Variants in ANGPT1 observed in about 807,000 individuals in gnomAD.
ANGPT1 encodes angiopoietin 1.
ANGPT1 carries 17 observed loss-of-function variants against 62.2 expected under a neutral mutation model. The ratio of observed to expected loss-of-function variants is 0.27; its 90% CI spans 0.19 to 0.41. The LOEUF is 0.41. Among genes scored for constraint, ANGPT1 ranks in the 10% least tolerant of loss-of-function variants. ANGPT1 has a pLI of 1.00. For missense variants in ANGPT1, 478 were observed against 594.9 expected, an observed-to-expected ratio of 0.80 and a Z score of 2.04; for synonymous variants, 199 against 198.9, an observed-to-expected ratio of 1.00 and a Z score of 0.00.
At chr8:107,274,079 G>T (rs1048039468) in intron 7 of ANGPT1, among the ~76,000 whole-genome samples, 1 of 152,120 alleles carries the variant, frequency 6.6e-6, no homozygotes, top group Non-Finnish European at 1.5e-5. Context: ...ACAAGAGAAG[G>T]TATGGTGTGT....
Position 107,401,281 on chromosome 8 carries a change from A to AC in ANGPT1, c.298-54185_298-54184insG, listed in dbSNP as rs570662037. 9.2e-5 allele frequency among the ~76,000 whole-genome samples: 14 copies of AC among 152,210 alleles called. No homozygotes were observed. In the East Asian group the frequency reaches 2.7e-3, roughly 29 times the overall value. ...TTCTGTCACTAAACAAGAAAAAAAA[A>AC]AACTGTGGACTATTTCATTTCCGCT... is the stretch of plus-strand genomic sequence containing the variant. On this transcript the variant is annotated intron_variant, in intron 1 of 8. Coordinates refer to ENST00000517746, the MANE Select transcript of ANGPT1 (RefSeq NM_001146.5).
rs540833650 is a variant in ANGPT1, at chr8:107,286,943, G to A, written c.1039-2095C>T. ...CCTTCTCCAAAGCATAAACAAAACA[G>A]AAAGTTACAGGAGGCTGAAAGTCAA... is the stretch of plus-strand genomic sequence containing the variant. On this transcript the variant is annotated intron_variant, in intron 6 of 8. Transcript: ENST00000517746. 2.0e-5 allele frequency among the ~76,000 whole-genome samples: 3 copies of A among 152,268 alleles called. No individual in the cohort carries two copies. In the South Asian group the frequency reaches 6.2e-4, roughly 32 times the overall value.
intron 1 of ANGPT1, among the ~76,000 whole-genome samples, chr8:107,474,285 C>T (rs1812449509): frequency 6.6e-6 from 1 of 152,038 alleles, no homozygotes. Flanking sequence ...TCAACATATG[C>T]AAATCAATAA....
chr8:107,446,075 G>T (rs1185878165), intron 1 of ANGPT1, among the ~76,000 whole-genome samples: 1 of 152,078 alleles, frequency 6.6e-6, no homozygotes, highest in Admixed American at 6.5e-5. Context: ...GTGCCACCAT[G>T]CCCAGTTAAC....
chr8:107,385,620 A>AT (rs1183893846), intron 1 of ANGPT1, among the ~76,000 whole-genome samples: 3 of 151,384 alleles, frequency 2.0e-5, no homozygotes, highest in Non-Finnish European at 2.9e-5. Context: ...CATGCCTTTT[A>AT]TTTTTTTTCC....
At chr8:107,333,368 C>T (rs1051289228) in intron 3 of ANGPT1, among the ~76,000 whole-genome samples, 3 of 151,636 alleles carry the variant, frequency 2.0e-5, no homozygotes, top group African/African-American at 7.3e-5. Flanking sequence ...GGTCCACTGT[C>T]GAAAAAGAAA....
chr8:107,449,394 A>ATG (rs1191913831), intron 1 of ANGPT1, among the ~76,000 whole-genome samples: 3 of 75,036 alleles, frequency 4.0e-5, no homozygotes, highest in Non-Finnish European at 5.5e-5. Context: ...ACTCACACAC[A>ATG]CACATGCACA....
chr8:107,380,961 G>A (rs938926320), intron 1 of ANGPT1, among the ~76,000 whole-genome samples: 1 of 152,248 alleles, frequency 6.6e-6, no homozygotes, highest in Non-Finnish European at 1.5e-5. Flanking sequence ...CTGTTGAGAA[G>A]CTTGTTGGGT....
At chr8:107,416,480 C>A (rs1022116689) in intron 1 of ANGPT1, among the ~76,000 whole-genome samples, 2 of 152,196 alleles carry the variant, frequency 1.3e-5, no homozygotes, top group Non-Finnish European at 2.9e-5. Flanking sequence ...TGTCCAGGCA[C>A]ATATATAAGT....
chr8:107,387,092 T>G (rs1816745854), intron 1 of ANGPT1, among the ~76,000 whole-genome samples: 1 of 152,124 alleles, frequency 6.6e-6, no homozygotes, highest in Non-Finnish European at 1.5e-5. Context: ...CTGAAATGTG[T>G]GCACAGCACT....
intron 1 of ANGPT1, among the ~76,000 whole-genome samples, chr8:107,355,270 C>T (rs1347044760): frequency 6.6e-6 from 1 of 152,122 alleles, no homozygotes; most frequent in Non-Finnish European, 1.5e-5. Flanking sequence ...ACCAATATCA[C>T]TTTATTCTCA....
chr8:107,326,353 G>C (rs1055380239), intron 3 of ANGPT1, among the ~76,000 whole-genome samples: 2 of 151,984 alleles, frequency 1.3e-5, no homozygotes, highest in South Asian at 4.1e-4. Flanking sequence ...TCTTCACTTG[G>C]AGCGCCCTTA....
rs1586158003 is a variant in ANGPT1 at position 107,250,110 on chromosome 8, A to C, written c.*1745T>G. ...ATTTTCTCAAATGGAGGAAACCATTAAGGCATAGTGGATCAAGTCACCAAG... is the reference window on the plus strand; with the variant it reads ...ATTTTCTCAAATGGAGGAAACCATTCAGGCATAGTGGATCAAGTCACCAAG... On this transcript the variant is annotated 3_prime_UTR_variant, in exon 9 of 9. Transcript: ENST00000517746. 1 of 152,548 alleles carries C rather than the reference A, an allele frequency of 6.6e-6. No individual in the cohort carries two copies. The highest frequency in any genetic ancestry group is 1.5e-5 in the Non-Finnish European group (1 of 68,004). 9.4% of individuals were successfully genotyped at this position (152,548 alleles called of 1,614,324 possible).
chr8:107,284,942 A>AT (rs1471709352), intron 6 of ANGPT1, 94 bp from the exon 7 acceptor site: 2 of 1,031,734 alleles, frequency 1.9e-6, no homozygotes, highest in South Asian at 3.8e-5. Context: ...ATTAAAAATT[A>AT]TTAAAAAGTA....
intron 6 of ANGPT1, among the ~76,000 whole-genome samples, chr8:107,292,027 A>C (rs767048179): frequency 1.1e-4 from 17 of 151,778 alleles, no homozygotes; most frequent in Non-Finnish European, 2.1e-4. Flanking sequence ...CTCCCCTCTC[A>C]GGCAGTGTTC....
At chr8:107,414,598 G>T (rs1007682049) in intron 1 of ANGPT1, among the ~76,000 whole-genome samples, 4 of 152,128 alleles carry the variant, frequency 2.6e-5, no homozygotes, top group Non-Finnish European at 1.5e-5. Context: ...AAAAATGAGG[G>T]TGATAATTCA....
At chr8:107,347,170 A>G (rs1815824506) in intron 1 of ANGPT1, 73 bp from the exon 2 acceptor site, 1 of 1,464,114 alleles carries the variant, frequency 6.8e-7, no homozygotes, top group Non-Finnish European at 9.3e-7. Context: ...AATATTTACA[A>G]TAACAAAACA....
At chr8:107,308,449 G>T (rs1226101488) in intron 4 of ANGPT1, among the ~76,000 whole-genome samples, 1 of 152,078 alleles carries the variant, frequency 6.6e-6, no homozygotes, top group African/African-American at 2.4e-5. Context: ...TAACTTGTAA[G>T]GCTATAATGT....
intron 6 of ANGPT1, among the ~76,000 whole-genome samples, chr8:107,286,183 C>A (rs187471723): frequency 1.6e-3 from 236 of 152,124 alleles, no homozygotes; most frequent in African/African-American, 5.4e-3. Context: ...GAGTTACTTA[C>A]CAAAGTTCAA....
Sources: allele counts gnomAD v4.1 joint callset (sites outside exome capture counted in the v4.1 genomes callset), GRCh38; gene constraint gnomAD v4.1.1; transcripts MANE v1.5; gene names NCBI Gene and HGNC (gene_info 2026-07-23, HGNC 2026-07-21).